The following UBE3D variants were observed in gnomAD, a reference collection of about 807,000 sequenced individuals.
The protein encoded by UBE3D is ubiquitin protein ligase E3D, also known as E3 ubiquitin-protein ligase E3D.
In UBE3D, 48 loss-of-function variants were observed where a neutral mutation model predicts 49.6. That is an observed-to-expected ratio of 0.97 (90% CI 0.77 to 1.23). UBE3D has a LOEUF of 1.23. UBE3D is among the 50% of genes most tolerant of loss of function. The pLI, the probability that UBE3D is intolerant of heterozygous loss-of-function variation, is 0.00. For missense variants in UBE3D, 452 were observed against 468.4 expected (o/e 0.96, Z 0.32); for synonymous variants, 189 against 174.2 (o/e 1.08, Z -0.67).
At chr6:82,950,781 A>G (rs143585991) in intron 9 of UBE3D, among the ~76,000 whole-genome samples, 167 of 152,318 alleles carry the variant, frequency 1.1e-3, no homozygotes, top group African/African-American at 3.9e-3. Flanking sequence ...CATAAAACTC[A>G]ATGAGATCTT....
rs117580309 is a variant in UBE3D at position 83,018,796 on chromosome 6, T to C, written c.1010+177A>G. On this transcript the variant is annotated intron_variant, in intron 8 of 9. Transcript: ENST00000369747. The stretch of plus-strand genomic sequence containing the variant: ...AAAGCAAGCTTTCTGCATATTAACA[T>C]GAATCATCTGTAATAATTCAACCTA... 7.0e-3 allele frequency: 4,918 copies of C among 698,776 alleles called. 123 individuals carry two copies. The East Asian group carries it at 0.071, about 10-fold the overall frequency. The allele number at this position is 698,776 out of a possible 1,614,324, so 43.3% of individuals were successfully genotyped here.
intron 5 of UBE3D, 66 bp downstream of exon 5, chr6:83,038,350 T>C (rs758255975): frequency 3.1e-6 from 4 of 1,290,260 alleles, no homozygotes; most frequent in South Asian, 1.3e-5. Context: ...ATATTTACTA[T>C]AAAATATCAT....
intron 1 of UBE3D, among the ~76,000 whole-genome samples, chr6:83,064,468 C>A (rs111369459): frequency 6.6e-6 from 1 of 152,062 alleles, no homozygotes; most frequent in African/African-American, 2.4e-5. Flanking sequence ...CCTCGTGATC[C>A]GCCCGCCTCA....
intron 2 of UBE3D, among the ~76,000 whole-genome samples, chr6:83,057,398 C>G (rs1334870925): frequency 6.6e-6 from 1 of 152,178 alleles, no homozygotes; most frequent in African/African-American, 2.4e-5. Context: ...ACTCTGTATC[C>G]CCAGAACCTA....
chr6:82,986,194 C>T (rs1021904566), intron 8 of UBE3D, among the ~76,000 whole-genome samples: 4 of 151,926 alleles, frequency 2.6e-5, no homozygotes, highest in East Asian at 3.9e-4. Context: ...TCTGTAATGG[C>T]GGGCGTGGTG....
At chr6:82,940,446 A>T (rs1210410874) in intron 9 of UBE3D, among the ~76,000 whole-genome samples, 1 of 152,212 alleles carries the variant, frequency 6.6e-6, no homozygotes, top group African/African-American at 2.4e-5. Context: ...AGTCCTGATT[A>T]TCTTTGCACA....
chr6:82,941,651 C>T (rs1439366594), intron 9 of UBE3D, among the ~76,000 whole-genome samples: 1 of 152,150 alleles, frequency 6.6e-6, no homozygotes. Context: ...CCAGAATCCC[C>T]ATGCATCAGG....
At chr6:82,891,987 C>T (rs942463404), downstream of UBE3D, among the ~76,000 whole-genome samples, 1 of 151,628 alleles carries the variant, frequency 6.6e-6, no homozygotes, top group East Asian at 1.9e-4. Context: ...AGATCTCCAG[C>T]TGGGCAACGA....
At chr6:83,021,873 A>C (rs951668969) in intron 7 of UBE3D, among the ~76,000 whole-genome samples, 3 of 152,044 alleles carry the variant, frequency 2.0e-5, no homozygotes, top group African/African-American at 7.2e-5. Context: ...CATCTCAAAA[A>C]AAAAACAAAA....
In UBE3D at chr6:82,953,858, G is replaced by C. The variant is rs150000117; in HGVS notation, c.1149+3454C>G. ...ACAGAGTAATGGTGATGTGAAGAAG[G>C]GGGGTCAGGTTGGGCCTCTCCTCAG... On this transcript the variant is annotated intron_variant, in intron 9 of 9. Transcript: ENST00000369747. Among the ~76,000 whole-genome samples the C allele has an allele frequency of 8.6e-3, 1,304 of 152,324 alleles. 22 individuals are homozygous for C. The highest frequency in any genetic ancestry group is 0.029 in the African/African-American group (1,201 of 41,566).
chr6:82,974,248 T>C (rs1473793930), intron 8 of UBE3D, among the ~76,000 whole-genome samples: 2 of 152,084 alleles, frequency 1.3e-5, no homozygotes, highest in Non-Finnish European at 2.9e-5. Context: ...GTGGAAAAAC[T>C]GTCTTCCACA....
At chr6:83,021,868 C>CA (rs1026025355) in intron 7 of UBE3D, among the ~76,000 whole-genome samples, 223 of 139,528 alleles carry the variant, frequency 1.6e-3, no homozygotes, top group Middle Eastern at 3.7e-3. Context: ...TACTCCATCT[C>CA]AAAAAAAAAA....
At chr6:82,947,092 T>C (rs991459849) in intron 9 of UBE3D, among the ~76,000 whole-genome samples, 15 of 151,542 alleles carry the variant, frequency 9.9e-5, no homozygotes, top group African/African-American at 3.6e-4. Context: ...AACTCTCCAA[T>C]AAAAAGATGG....
intron 8 of UBE3D, among the ~76,000 whole-genome samples, chr6:82,963,210 G>C (rs987114513): frequency 2.3e-5 from 2 of 87,418 alleles, no homozygotes; most frequent in Non-Finnish European, 4.8e-5. Flanking sequence ...TTTTTTTTTT[G>C]GAGAAAGAAA....
At chr6:82,996,070 A>C (rs112662862) in intron 8 of UBE3D, among the ~76,000 whole-genome samples, 3,105 of 152,252 alleles carry the variant, frequency 0.02, 36 homozygotes, top group African/African-American at 0.032. Context: ...ATCTCAAAAA[A>C]GCAAAAAACA....
At chr6:82,887,459 A>G (rs370903353), downstream of UBE3D, among the ~76,000 whole-genome samples, 23 of 137,228 alleles carry the variant, frequency 1.7e-4, no homozygotes, top group African/African-American at 6.1e-4. Context: ...CTATAATCCC[A>G]GCACTTTGGG....
At chr6:82,960,606 A>T (rs1284014881) in intron 8 of UBE3D, among the ~76,000 whole-genome samples, 1 of 151,590 alleles carries the variant, frequency 6.6e-6, no homozygotes, top group African/African-American at 2.4e-5. Flanking sequence ...TGATATAAAT[A>T]TGGTATTAGG....
intron 9 of UBE3D, among the ~76,000 whole-genome samples, chr6:82,896,742 T>C (rs139226120): frequency 6.7e-6 from 1 of 148,710 alleles, no homozygotes; most frequent in East Asian, 2.0e-4. Flanking sequence ...CTCTGTTTTG[T>C]CTTTTCTTTT....
chr6:83,008,308 T>C (rs1394793023), intron 8 of UBE3D, among the ~76,000 whole-genome samples: 1 of 152,182 alleles, frequency 6.6e-6, no homozygotes, highest in East Asian at 1.9e-4. Flanking sequence ...AACTGATGAA[T>C]TGGCAGACTT....
Sources: allele counts gnomAD v4.1 joint callset (sites outside exome capture counted in the v4.1 genomes callset), GRCh38; gene constraint gnomAD v4.1.1; transcripts MANE v1.5; gene names NCBI Gene and HGNC (gene_info 2026-07-23, HGNC 2026-07-21).